Variants in LACTB observed in about 807,000 individuals in gnomAD.
LACTB encodes the protein lactamase beta, also known as serine beta-lactamase-like protein LACTB, mitochondrial.
A neutral mutation model predicts 50.2 loss-of-function variants in LACTB; 35 were observed. The observed-to-expected ratio is 0.70, with a 90% CI of 0.53 to 0.92. The LOEUF (loss-of-function observed/expected upper bound fraction) is 0.92, where lower values mean the gene tolerates loss of function less well. Ranked by LOEUF, LACTB falls within the 40% of genes least tolerant of loss-of-function variation. The pLI is 0.00. For synonymous variants in LACTB, 252 were observed against 268.2 expected (o/e 0.94, Z 0.59); for missense variants, 664 against 691.8 (o/e 0.96, Z 0.45).
chr15:63,127,753 C>A, intron 4 of LACTB, 64 bp downstream of exon 4: 1 of 1,098,706 alleles, frequency 9.1e-7, no homozygotes, highest in Non-Finnish European at 1.3e-6. Flanking sequence ...TCAGGAAATC[C>A]AAAATGATAC....
chr15:63,139,408 T>C (rs1021161782), intron 5 of LACTB, among the ~76,000 whole-genome samples: 1 of 151,856 alleles, frequency 6.6e-6, no homozygotes, highest in African/African-American at 2.4e-5. Flanking sequence ...ATCCCAACAC[T>C]TTGAGAGGCC....
At chr15:63,123,474 G>A (rs577018209) in intron 2 of LACTB, among the ~76,000 whole-genome samples, 1 of 152,152 alleles carries the variant, frequency 6.6e-6, no homozygotes, top group African/African-American at 2.4e-5. Flanking sequence ...CCCTGTGTGC[G>A]GCGACGAGAG....
intron 2 of LACTB, chr15:63,125,950 C>T (rs542521949): frequency 2.0e-5 from 3 of 151,830 alleles, no homozygotes; most frequent in African/African-American, 7.2e-5. Context: ...GTAATCCACC[C>T]GTCTCCGCCT....
At chr15:63,137,237 C>T (rs1385080169) in intron 5 of LACTB, among the ~76,000 whole-genome samples, 1 of 152,084 alleles carries the variant, frequency 6.6e-6, no homozygotes, top group African/African-American at 2.4e-5. Flanking sequence ...ACTAAATAAC[C>T]CAGTAAGTGA....
chr15:63,141,422 G>C lies in LACTB; in HGVS notation c.1261G>C (p.Gly421Arg), dbSNP rs770651278. ...TGCAATGCTTTATGGTTACCAAGTT[G>C]GGCTGTTTAAGAACTCAAATGAAAA... ...GNAMLYGYQV[G>R]LFKNSNENLL... Residue 421 changes from glycine (G) to arginine (R), a missense_variant, in exon 6 of 6, where the codon GGG becomes CGG. Transcript: ENST00000261893. 6.2e-7 allele frequency: 1 copy of C among 1,614,054 alleles called. No homozygotes were observed. Among genetic ancestry groups the C allele is most frequent in the Non-Finnish European group, 8.5e-7 (1 of 1,180,046 alleles).
chr15:63,132,185 T>G (rs1287262703), intron 5 of LACTB, among the ~76,000 whole-genome samples: 1 of 152,194 alleles, frequency 6.6e-6, no homozygotes, highest in Non-Finnish European at 1.5e-5. Flanking sequence ...AGGTAGTTTT[T>G]TAACCCTTGC....
At chr15:63,140,191 G>A (rs1454108654) in intron 5 of LACTB, among the ~76,000 whole-genome samples, 1 of 152,148 alleles carries the variant, frequency 6.6e-6, no homozygotes, top group Admixed American at 6.6e-5. Flanking sequence ...TGGTTGGCTG[G>A]AATTACAAAT....
At chr15:63,123,533 G>A (rs2037006530) in intron 2 of LACTB, among the ~76,000 whole-genome samples, 1 of 152,150 alleles carries the variant, frequency 6.6e-6, no homozygotes, top group Non-Finnish European at 1.5e-5. Flanking sequence ...AAAGACAGCT[G>A]GGCCCGGGGG....
intron 2 of LACTB, among the ~76,000 whole-genome samples, chr15:63,123,919 A>G (rs1295818945): frequency 3.4e-4 from 49 of 142,090 alleles, no homozygotes; most frequent in South Asian, 1.4e-3. Flanking sequence ...CCTCCGGATA[A>G]CTGCGGGCAA....
chr15:63,124,774 A>G (rs553546158), intron 2 of LACTB, among the ~76,000 whole-genome samples: 29 of 151,734 alleles, frequency 1.9e-4, no homozygotes, highest in African/African-American at 6.3e-4. Flanking sequence ...ACAACGTGGC[A>G]AAACCCCATC....
intron 1 of LACTB, 92 bp downstream of exon 1, chr15:63,122,320 C>G (rs2036985752): frequency 9.0e-7 from 1 of 1,105,222 alleles, no homozygotes; most frequent in African/African-American, 1.6e-5. Flanking sequence ...CCCGGGGCGG[C>G]GGGGTGCCCG....
Position 63,129,508 on chromosome 15 carries a change from T to G in LACTB, c.976T>G (p.Phe326Val). 1 of 1,599,548 alleles carries G rather than the reference T, an allele frequency of 6.3e-7. No individual in the cohort carries two copies. Among genetic ancestry groups the G allele is most frequent in the Non-Finnish European group, 8.5e-7 (1 of 1,174,226 alleles). Residue 326 changes from phenylalanine (F) to valine (V), a missense_variant, in exon 5 of 6, where the codon TTT becomes GTT. Phe to Val is a conservative substitution (Grantham distance 50). Coordinates refer to ENST00000261893, the MANE Select transcript of LACTB (RefSeq NM_032857.5). Reference protein sequence around the residue: ...KPGSQFLYSTFGYTLLAAIVE... With the variant: ...KPGSQFLYSTVGYTLLAAIVE... ...AGGTAGTCAGTTTTTGTATTCAACT[T>G]TTGGCTATACCCTACTGGCAGCCAT...
intron 2 of LACTB, among the ~76,000 whole-genome samples, chr15:63,122,988 G>A (rs544163508): frequency 6.6e-6 from 1 of 152,228 alleles, no homozygotes. Flanking sequence ...CTTATCCTGG[G>A]GATATATTCC....
chr15:63,122,577 A>G lies in LACTB; in HGVS notation c.358-59A>G. Reference sequence around the variant, plus strand: ...GCGGGGCCTTGGAAGGTCCCCGAGGAGAGCGCTGGGCTTTTTCAGCAGGCC... The same window carrying G: ...GCGGGGCCTTGGAAGGTCCCCGAGGGGAGCGCTGGGCTTTTTCAGCAGGCC... On this transcript the variant is annotated intron_variant, in intron 1 of 5. Coordinates refer to ENST00000261893, the MANE Select transcript of LACTB (RefSeq NM_032857.5). 4 of 1,348,050 alleles carry G rather than the reference A, an allele frequency of 3.0e-6. No individual in the cohort carries two copies. The South Asian group carries it at 4.7e-5, about 16-fold the overall frequency. 83.5% of individuals were successfully genotyped at this position (1,348,050 alleles called of 1,614,324 possible).
At chr15:63,136,887 A>C (rs1126308) in intron 5 of LACTB, among the ~76,000 whole-genome samples, 57,904 of 151,818 alleles carry the variant, frequency 0.38, 12,465 homozygotes, top group Non-Finnish European at 0.51. Flanking sequence ...AAGGCTTTTT[A>C]GAGTTACTAT....
chr15:63,127,328 T>G, intron 3 of LACTB, 25 bp from the exon 4 acceptor site: 1 of 1,478,862 alleles, frequency 6.8e-7, no homozygotes, highest in Non-Finnish European at 9.1e-7. Context: ...ATATTGTAAT[T>G]GAATTTTCAT....
At chr15:63,127,229 G>C in intron 3 of LACTB, 124 bp from the exon 4 acceptor site, 1 of 980,056 alleles carries the variant, frequency 1.0e-6, no homozygotes, top group Non-Finnish European at 1.5e-6. Flanking sequence ...CTAAGGATTT[G>C]TACATGACAT....
rs2037094930 is a variant in LACTB, at chr15:63,129,052, A to G, written c.953-433A>G. 2.0e-5 allele frequency among the ~76,000 whole-genome samples: 3 copies of G among 152,192 alleles called. No individual in the cohort carries two copies. In the South Asian group the frequency reaches 6.2e-4, roughly 31 times the overall value. ...CCACCGCTCCTGACCCATATATTTT[A>G]TTAAAATAAGAACGTGTTTGCCCAT... On this transcript the variant is annotated intron_variant, in intron 4 of 5. Transcript: ENST00000261893.
chr15:63,140,400 CAT>C (rs897297010), intron 5 of LACTB, among the ~76,000 whole-genome samples: 1 of 152,132 alleles, frequency 6.6e-6, no homozygotes, highest in Non-Finnish European at 1.5e-5. Flanking sequence ...ACATGACAGA[CAT>C]GTTGATTTTG....
Sources: gnomAD v4.1 joint callset for allele counts (sites outside exome capture counted in the v4.1 genomes callset) on GRCh38, gnomAD v4.1.1 for gene constraint, MANE v1.5 for transcripts, NCBI Gene and HGNC (gene_info 2026-07-23, HGNC 2026-07-21) for gene names.